Variants in RNF17 observed in about 807,000 individuals in gnomAD.
RNF17 encodes the protein ring finger protein 17.
RNF17 carries 31 observed loss-of-function variants against 200.5 expected under a neutral mutation model. That is an observed-to-expected ratio of 0.15 (90% confidence interval 0.12 to 0.21). The LOEUF is 0.21. Ranked by LOEUF, RNF17 falls within the 10% of genes least tolerant of loss-of-function variation. The pLI is 1.00. For missense variants in RNF17, 1,628 were observed against 1,905.1 expected (o/e 0.85, Z 2.71); for synonymous variants, 606 against 637.8 (o/e 0.95, Z 0.75).
intron 19 of RNF17, 63 bp from the exon 20 acceptor site, chr13:24,843,681 C>T (rs1248678792): frequency 1.0e-6 from 1 of 960,276 alleles, no homozygotes; most frequent in African/African-American, 1.6e-5. Flanking sequence ...AGATACAGAC[C>T]TGAGCAAATG....
At chr13:24,884,586 TC>T, downstream of RNF17, 1 of 948,858 alleles carries the variant, frequency 1.1e-6, no homozygotes, top group Non-Finnish European at 1.7e-6. Context: ...CCTCAAAAGA[TC>T]CTTTATTTCG....
intron 14 of RNF17, among the ~76,000 whole-genome samples, chr13:24,803,092 A>G (rs547693581): frequency 6.6e-6 from 1 of 151,628 alleles, no homozygotes; most frequent in South Asian, 2.1e-4. Flanking sequence ...AAATTAAGGT[A>G]GCTCAAAATA....
chr13:24,866,784 T>TA, intron 30 of RNF17, among the ~76,000 whole-genome samples: 1 of 152,314 alleles, frequency 6.6e-6, no homozygotes, highest in South Asian at 2.1e-4. Context: ...GGTATACACC[T>TA]AGTAGTGGAA....
At chr13:24,857,127 A>G (rs987305646) in intron 25 of RNF17, among the ~76,000 whole-genome samples, 12 of 152,202 alleles carry the variant, frequency 7.9e-5, no homozygotes, top group African/African-American at 2.9e-4. Context: ...CTGGAAGAAT[A>G]GAAGTAATGA....
the RNF17 span, among the ~76,000 whole-genome samples, chr13:24,754,624 C>T: frequency 6.6e-6 from 1 of 152,160 alleles, no homozygotes; most frequent in Non-Finnish European, 1.5e-5. Flanking sequence ...GGCATGGTGG[C>T]TCATACCTGT....
chr13:24,886,438 T>C, the RNF17 span: 5 of 1,063,300 alleles, frequency 4.7e-6, no homozygotes, highest in South Asian at 6.5e-5. Context: ...GATTTATAGG[T>C]CCCAAACTGC....
At chr13:24,883,927 CTGAG>C (rs1566275773), downstream of RNF17, 24 of 1,613,738 alleles carry the variant, frequency 1.5e-5, no homozygotes, top group Non-Finnish European at 1.9e-5. Flanking sequence ...AGGTGTCACA[CTGAG>C]TGGTTTTTCT....
chr13:24,841,194 G>A (rs1890607612), intron 18 of RNF17, among the ~76,000 whole-genome samples: 1 of 152,172 alleles, frequency 6.6e-6, no homozygotes, highest in African/African-American at 2.4e-5. Context: ...TCTAGTTTAA[G>A]AAATAGATCT....
chr13:24,858,472 A>C (rs1892750702), intron 25 of RNF17, among the ~76,000 whole-genome samples: 1 of 151,918 alleles, frequency 6.6e-6, no homozygotes, highest in Non-Finnish European at 1.5e-5. Flanking sequence ...GGATAAACTG[A>C]GGCTTATTGG....
At chr13:24,781,080 A>G (rs1882300760) in intron 5 of RNF17, among the ~76,000 whole-genome samples, 1 of 152,088 alleles carries the variant, frequency 6.6e-6, no homozygotes, top group Non-Finnish European at 1.5e-5. Context: ...CCCATTCTAA[A>G]TTGGAAGAAT....
chr13:24,839,767 A>T (rs1890409616), intron 18 of RNF17, among the ~76,000 whole-genome samples: 1 of 152,234 alleles, frequency 6.6e-6, no homozygotes, highest in Non-Finnish European at 1.5e-5. Context: ...AACAGTGTAA[A>T]CTATAAAAAT....
chr13:24,785,664 T>G (rs1883012458), intron 6 of RNF17, among the ~76,000 whole-genome samples: 1 of 152,218 alleles, frequency 6.6e-6, no homozygotes, highest in Non-Finnish European at 1.5e-5. Flanking sequence ...CTACACTGGT[T>G]GTTTTATCCA....
chr13:24,799,307 T>C, intron 11 of RNF17, 88 bp from the exon 12 acceptor site: 1 of 993,642 alleles, frequency 1.0e-6, no homozygotes, highest in Non-Finnish European at 1.6e-6. Context: ...ATTAAGACTT[T>C]TTCGTGGTAG....
At chr13:24,886,315 C>G in the RNF17 span, 44 of 1,289,110 alleles carry the variant, frequency 3.4e-5, no homozygotes, top group South Asian at 5.2e-4. Flanking sequence ...GGGAGAATGG[C>G]CTGAAGGAGG....
intron 26 of RNF17, among the ~76,000 whole-genome samples, chr13:24,859,976 G>A (rs1674744519): frequency 2.0e-5 from 3 of 151,986 alleles, no homozygotes; most frequent in South Asian, 4.1e-4. Context: ...TAATGCTAGA[G>A]TTAATATCCA....
the RNF17 span, chr13:24,885,765 T>TAA: frequency 2.3e-6 from 2 of 872,664 alleles, no homozygotes; most frequent in Non-Finnish European, 3.8e-6. Context: ...TCCTGTGAAC[T>TAA]GCTGTCCTTT....
At chr13:24,800,229 G>T (rs1314639390) in intron 12 of RNF17, 137 bp from the exon 13 acceptor site, 17 of 562,220 alleles carry the variant, frequency 3.0e-5, no homozygotes, top group Non-Finnish European at 4.6e-5. Context: ...TAGTAAGAAA[G>T]TATTAATTTG....
At chr13:24,794,061 G>A in intron 10 of RNF17, 1 of 371,680 alleles carries the variant, frequency 2.7e-6, no homozygotes, top group Non-Finnish European at 5.2e-6. Flanking sequence ...TGCCATTCCA[G>A]TGTTTTGCCA....
chr13:24,884,443 A>G, downstream of RNF17: 1 of 1,614,152 alleles, frequency 6.2e-7, no homozygotes, highest in Non-Finnish European at 8.5e-7. Context: ...CACGGCACCC[A>G]TTCTTATAAA....
Sources: gnomAD v4.1 joint callset for allele counts (sites outside exome capture counted in the v4.1 genomes callset) on GRCh38, gnomAD v4.1.1 for gene constraint, MANE v1.5 for transcripts, NCBI Gene and HGNC (gene_info 2026-07-23, HGNC 2026-07-21) for gene names.